The following CERT1 variants were observed in gnomAD, a reference collection of about 807,000 sequenced individuals.
CERT1 encodes the protein ceramide transporter 1.
In CERT1, 31 loss-of-function variants were observed where a neutral mutation model predicts 87.9. The observed-to-expected ratio is 0.35, with a 90% CI of 0.27 to 0.48. CERT1 has a LOEUF of 0.48. CERT1 is among the 20% of genes least tolerant of loss of function. CERT1 has a pLI of 0.99. For synonymous variants in CERT1, 289 were observed against 250.9 expected (o/e 1.15, Z -1.44); for missense variants, 487 against 758.0 (o/e 0.64, Z 4.20).
intron 14 of CERT1, 70 bp downstream of exon 14, chr5:75,384,572 T>C (rs1458859351): frequency 1.8e-6 from 2 of 1,085,264 alleles, no homozygotes; most frequent in Admixed American, 2.2e-5. Flanking sequence ...CCAATTTTAC[T>C]TTAGAGAATC....
At chr5:75,483,294 C>T (rs1217522579) in intron 2 of CERT1, among the ~76,000 whole-genome samples, 1 of 151,952 alleles carries the variant, frequency 6.6e-6, no homozygotes, top group Non-Finnish European at 1.5e-5. Flanking sequence ...GCAGAAGATA[C>T]AATGAGTGAG....
intron 3 of CERT1, among the ~76,000 whole-genome samples, chr5:75,443,057 C>A (rs1272361070): frequency 6.6e-6 from 1 of 152,092 alleles, no homozygotes; most frequent in Non-Finnish European, 1.5e-5. Flanking sequence ...GGTAGGACTG[C>A]TATAACATCC....
intron 12 of CERT1, among the ~76,000 whole-genome samples, chr5:75,387,031 C>A (rs1761818859): frequency 6.6e-6 from 1 of 152,088 alleles, no homozygotes. Context: ...CTACGCCCAG[C>A]TAATTTTTGG....
chr5:75,438,480 T>C (rs1764185172), intron 3 of CERT1, among the ~76,000 whole-genome samples: 1 of 152,194 alleles, frequency 6.6e-6, no homozygotes, highest in African/African-American at 2.4e-5. Flanking sequence ...TTAAAATTTG[T>C]AACATGCTTT....
intron 2 of CERT1, among the ~76,000 whole-genome samples, chr5:75,502,229 A>T (rs1420351644): frequency 1.3e-5 from 2 of 152,184 alleles, no homozygotes; most frequent in Non-Finnish European, 2.9e-5. Flanking sequence ...TAAAAAGTGC[A>T]ATTTAAAATA....
intron 2 of CERT1, among the ~76,000 whole-genome samples, chr5:75,465,106 G>T (rs1765404843): frequency 6.6e-6 from 1 of 152,166 alleles, no homozygotes; most frequent in Admixed American, 6.5e-5. Flanking sequence ...GACTTGAAGA[G>T]TTTATATATA....
At chr5:75,437,987 G>A (rs1294820335) in intron 3 of CERT1, among the ~76,000 whole-genome samples, 3 of 151,918 alleles carry the variant, frequency 2.0e-5, no homozygotes, top group African/African-American at 7.3e-5. Context: ...TGCTAATGAT[G>A]CTGTCATTGT....
chr5:75,466,634 C>T (rs1765466853), intron 2 of CERT1, among the ~76,000 whole-genome samples: 1 of 152,158 alleles, frequency 6.6e-6, no homozygotes, highest in African/African-American at 2.4e-5. Context: ...AGCTAGGTGG[C>T]CCTTTCAGCT....
chr5:75,384,785 T>C, intron 13 of CERT1, 73 bp from the exon 14 acceptor site: 2 of 1,000,198 alleles, frequency 2.0e-6, no homozygotes, highest in Non-Finnish European at 3.1e-6. Flanking sequence ...ATGTTGAAAG[T>C]CAAGTACGAA....
intron 2 of CERT1, among the ~76,000 whole-genome samples, chr5:75,464,604 A>T (rs1302837602): frequency 6.6e-6 from 1 of 152,098 alleles, no homozygotes; most frequent in Non-Finnish European, 1.5e-5. Flanking sequence ...TTTTGGACAC[A>T]GCGTCTCACT....
chr5:75,393,737 A>C (rs1368642976), intron 11 of CERT1, among the ~76,000 whole-genome samples: 1 of 151,236 alleles, frequency 6.6e-6, no homozygotes, highest in Non-Finnish European at 1.5e-5. Context: ...AGGCTGAGGC[A>C]CGCGGACCAC....
At chr5:75,428,391 A>G (rs931391686) in intron 3 of CERT1, among the ~76,000 whole-genome samples, 1 of 152,180 alleles carries the variant, frequency 6.6e-6, no homozygotes. Flanking sequence ...ATTTTAAAAA[A>G]TAGTTGGCCG....
At chr5:75,492,265 T>C (rs992826711) in intron 2 of CERT1, among the ~76,000 whole-genome samples, 1 of 152,102 alleles carries the variant, frequency 6.6e-6, no homozygotes, top group African/African-American at 2.4e-5. Context: ...CTACGGAGGC[T>C]GAGGCAGGAG....
chr5:75,480,174 T>C (rs1766168190), intron 2 of CERT1, among the ~76,000 whole-genome samples: 1 of 152,192 alleles, frequency 6.6e-6, no homozygotes, highest in South Asian at 2.1e-4. Flanking sequence ...TGTGATACCC[T>C]GAGAAAAACA....
At chr5:75,427,834 CA>C (rs1254884392) in intron 3 of CERT1, among the ~76,000 whole-genome samples, 1 of 151,892 alleles carries the variant, frequency 6.6e-6, no homozygotes, top group Non-Finnish European at 1.5e-5. Flanking sequence ...TAGAGATCAA[CA>C]GTGAAAACAA....
chr5:75,404,141 C>T (rs1170603101), intron 8 of CERT1, among the ~76,000 whole-genome samples: 1 of 151,972 alleles, frequency 6.6e-6, no homozygotes, highest in African/African-American at 2.4e-5. Context: ...TATCTAGCAA[C>T]ATCGTCCTAT....
intron 1 of CERT1, among the ~76,000 whole-genome samples, chr5:75,508,996 T>C (rs991604755): frequency 1.2e-4 from 19 of 152,168 alleles, no homozygotes; most frequent in South Asian, 2.1e-4. Flanking sequence ...TATAACTAGA[T>C]AGAATTATTG....
At chr5:75,470,714 G>A (rs980907602) in intron 2 of CERT1, among the ~76,000 whole-genome samples, 8 of 152,106 alleles carry the variant, frequency 5.3e-5, no homozygotes, top group African/African-American at 1.9e-4. Context: ...CAAGAATACC[G>A]ACTCTTGCAA....
chr5:75,389,283 T>C (rs1464146894), intron 12 of CERT1, among the ~76,000 whole-genome samples: 1 of 152,148 alleles, frequency 6.6e-6, no homozygotes, highest in Non-Finnish European at 1.5e-5. Context: ...AATATCCAAA[T>C]ACAGGACCAT....
Sources: gnomAD v4.1 joint callset for allele counts (sites outside exome capture counted in the v4.1 genomes callset) on GRCh38, gnomAD v4.1.1 for gene constraint, MANE v1.5 for transcripts, NCBI Gene and HGNC (gene_info 2026-07-23, HGNC 2026-07-21) for gene names.